Variants in MMP26 observed in about 807,000 individuals in gnomAD.
MMP26 encodes the protein matrix metallopeptidase 26, also known as matrix metalloproteinase-26.
A neutral mutation model predicts 31.0 loss-of-function variants in MMP26; 33 were observed. The ratio of observed to expected loss-of-function variants is 1.06; its 90% CI spans 0.81 to 1.42. The LOEUF is 1.42. MMP26 is among the 40% of genes most tolerant of loss of function. The probability of loss-of-function intolerance (pLI) is 0.00; values close to 1 mark genes in which losing one functional copy is unlikely to be tolerated. For missense variants in MMP26, 347 were observed against 316.1 expected (o/e 1.10, Z -0.74); for synonymous variants, 122 against 114.9 (o/e 1.06, Z -0.40).
At chr11:4,846,414 G>A (rs1849867961) in intron 2 of MMP26, among the ~76,000 whole-genome samples, 1 of 152,152 alleles carries the variant, frequency 6.6e-6, no homozygotes, top group African/African-American at 2.4e-5. Flanking sequence ...AGGGTAGTGG[G>A]AACCTGGGGG....
At chr11:4,906,146 C>T (rs1397233653) in intron 2 of MMP26, among the ~76,000 whole-genome samples, 1 of 152,008 alleles carries the variant, frequency 6.6e-6, no homozygotes, top group Non-Finnish European at 1.5e-5. Context: ...AGTGTTTAAG[C>T]GAGGAGGTGC....
chr11:4,951,779 C>T lies in MMP26; in HGVS notation c.-144-36289C>T, dbSNP rs566478222. 2.4e-5 allele frequency among the ~76,000 whole-genome samples: 3 copies of T among 124,198 alleles called. 1 individual carries two copies. The highest frequency in any genetic ancestry group is 1.8e-4 in the Admixed American group (2 of 11,102). The allele number at this position is 124,198 out of a possible 152,430, so 81.5% of individuals were successfully genotyped here. A position where few individuals can be genotyped will look rare whatever the true frequency, so the allele number is the denominator to read the frequency against. On this transcript the variant is annotated intron_variant, in intron 2 of 7. Coordinates refer to ENST00000380390, the MANE Select transcript of MMP26 (RefSeq NM_021801.5). ...TTAGAATATTAAGGAAGCTATTAAACATTTTTCTTTTAAGTGGATCTGAGA... is the reference window on the plus strand; with the variant it reads ...TTAGAATATTAAGGAAGCTATTAAATATTTTTCTTTTAAGTGGATCTGAGA...
In MMP26 at chr11:4,837,452, T is replaced by G. The variant is rs188675501; in HGVS notation, c.-145+70111T>G. Among the ~76,000 whole-genome samples the G allele has an allele frequency of 2.5e-3, 378 of 152,284 alleles. 3 individuals carry two copies. The highest frequency in any genetic ancestry group is 0.011 in the East Asian group (56 of 5,180). Reference sequence around the variant, plus strand: ...GTCTCAAACTCCTGTACTTAAGCAATTCTCTTGCCTCAGCTTTCTGAAGTG... The same window carrying G: ...GTCTCAAACTCCTGTACTTAAGCAAGTCTCTTGCCTCAGCTTTCTGAAGTG... On this transcript the variant is annotated intron_variant, in intron 2 of 7. Coordinates refer to ENST00000380390, the MANE Select transcript of MMP26 (RefSeq NM_021801.5).
At chr11:4,909,562 T>C (rs149082407) in intron 2 of MMP26, 226 of 152,290 alleles carry the variant, frequency 1.5e-3, no homozygotes, top group Middle Eastern at 0.01. Context: ...CAATGATCCT[T>C]GGAAATAGAC....
intron 1 of MMP26, among the ~76,000 whole-genome samples, chr11:4,726,370 G>A (rs773796513): frequency 1.3e-5 from 2 of 151,748 alleles, no homozygotes; most frequent in Non-Finnish European, 2.9e-5. Context: ...GCTGAGGCAC[G>A]AGAATCACTC....
intron 1 of MMP26, among the ~76,000 whole-genome samples, chr11:4,713,210 A>G (rs1403821371): frequency 6.6e-6 from 1 of 152,118 alleles, no homozygotes; most frequent in Non-Finnish European, 1.5e-5. Flanking sequence ...AGCTGTAAAA[A>G]TGCATTTTTC....
intron 1 of MMP26, chr11:4,724,038 G>T: frequency 1.5e-6 from 1 of 671,198 alleles, no homozygotes. Context: ...TACCCCGGAA[G>T]CTGCTGGTAC....
At chr11:4,747,670 G>A (rs180741247) in intron 1 of MMP26, among the ~76,000 whole-genome samples, 1 of 152,142 alleles carries the variant, frequency 6.6e-6, no homozygotes, top group Admixed American at 6.6e-5. Context: ...TAAGATTGGA[G>A]ACCTAGAGAA....
At chr11:4,724,119 T>TG in intron 1 of MMP26, 4 of 627,304 alleles carry the variant, frequency 6.4e-6, no homozygotes, top group South Asian at 1.8e-5. Flanking sequence ...GCTGAAGTCC[T>TG]GGGGGGCTAG....
intron 2 of MMP26, among the ~76,000 whole-genome samples, chr11:4,873,890 G>A (rs185028872): frequency 7.0e-4 from 107 of 152,148 alleles, no homozygotes; most frequent in African/African-American, 2.0e-3. Flanking sequence ...AAACCCCAGA[G>A]CCTTTATTTT....
chr11:4,810,753 A>G (rs1849339146), intron 2 of MMP26, among the ~76,000 whole-genome samples: 1 of 152,222 alleles, frequency 6.6e-6, no homozygotes, highest in Non-Finnish European at 1.5e-5. Flanking sequence ...TTAGGCCGGA[A>G]GGCCCTCTTC....
At chr11:4,917,496 G>A (rs1401723729) in intron 2 of MMP26, among the ~76,000 whole-genome samples, 1 of 152,116 alleles carries the variant, frequency 6.6e-6, no homozygotes, top group East Asian at 1.9e-4. Flanking sequence ...TAAACTGATT[G>A]GAGAAACACA....
chr11:4,986,932 C>CTCTCCCTCTCTCTCT lies in MMP26; in HGVS notation c.-144-1136_-144-1135insTCTCCCTCTCTCTCT, dbSNP rs1564819722. Among the ~76,000 whole-genome samples the CTCTCCCTCTCTCTCT allele has an allele frequency of 1.9e-3, 112 of 60,412 alleles. 1 individual carries two copies. The highest frequency in any genetic ancestry group is 4.9e-3 in the Admixed American group (24 of 4,906). 39.6% of individuals were successfully genotyped at this position (60,412 alleles called of 152,430 possible). On this transcript the variant is annotated intron_variant, in intron 2 of 7. Transcript: ENST00000380390. Reference sequence around the variant, plus strand: ...CTCTCTCTCTCTCTCTCTCTCTCTCCCTCTCTCTCTCTCTCTCTCTCTCTC... The same window carrying CTCTCCCTCTCTCTCT: ...CTCTCTCTCTCTCTCTCTCTCTCTCCTCTCCCTCTCTCTCTCTCTCTCTCTCTCTCTCTCTCTCTC...
At position 4,988,277 on chromosome 11, in the gene MMP26, T is replaced by C; in HGVS notation, c.66T>C (p.Pro22=). 2 of 1,614,098 alleles carry C rather than the reference T, an allele frequency of 1.2e-6. No homozygotes were observed. Among genetic ancestry groups the C allele is most frequent in the Non-Finnish European group, 1.7e-6 (2 of 1,180,016 alleles). ...LPWCFAVPVP[P]AADHKGWDFV... ...GGTGTTTCGCCGTTCCAGTGCCCCC[T>C]GCTGCAGACCATAAAGGATGGGACT... Residue 22 remains proline (P), a synonymous_variant, in exon 3 of 8, where the codon CCT becomes CCC. Transcript: ENST00000380390.
At chr11:4,918,608 G>T (rs564791912) in intron 2 of MMP26, among the ~76,000 whole-genome samples, 1 of 152,184 alleles carries the variant, frequency 6.6e-6, no homozygotes, top group South Asian at 2.1e-4. Context: ...TAAAATCCTC[G>T]CAGAACCCAT....
chr11:4,928,497 C>T (rs576855378), intron 2 of MMP26, among the ~76,000 whole-genome samples: 201 of 152,244 alleles, frequency 1.3e-3, no homozygotes, highest in Admixed American at 5.2e-3. Context: ...GAATAAACAT[C>T]TGAACAGAAT....
chr11:4,944,128 T>C, intron 2 of MMP26: 1 of 455,906 alleles, frequency 2.2e-6, no homozygotes. Flanking sequence ...AAAAGGTAGA[T>C]AGATACAGTT....
intron 2 of MMP26, among the ~76,000 whole-genome samples, chr11:4,842,402 C>T (rs930073648): frequency 2.1e-4 from 32 of 152,172 alleles, no homozygotes; most frequent in African/African-American, 7.7e-4. Context: ...CACAGTTCCA[C>T]AGACTGTACA....
chr11:4,811,119 T>C (rs1366361059), intron 2 of MMP26, among the ~76,000 whole-genome samples: 1 of 152,170 alleles, frequency 6.6e-6, no homozygotes, highest in East Asian at 1.9e-4. Flanking sequence ...CAGGAAATAT[T>C]CAAAATATTA....
Sources: allele counts gnomAD v4.1 joint callset (sites outside exome capture counted in the v4.1 genomes callset), GRCh38; gene constraint gnomAD v4.1.1; transcripts MANE v1.5; gene names NCBI Gene and HGNC (gene_info 2026-07-23, HGNC 2026-07-21).